The following DNHD1 variants were observed in gnomAD, a reference collection of about 807,000 sequenced individuals.
DNHD1 encodes dynein heavy chain domain-containing protein 1.
In DNHD1, 383 loss-of-function variants were observed where a neutral mutation model predicts 458.1. The observed-to-expected ratio is 0.84, with a 90% CI of 0.77 to 0.91. The LOEUF (loss-of-function observed/expected upper bound fraction) is 0.91, where lower values mean the gene tolerates loss of function less well. Among genes scored for constraint, DNHD1 ranks in the 40% least tolerant of loss-of-function variants. The pLI is 0.00. For missense variants in DNHD1, 5,336 were observed against 5,866.1 expected (o/e 0.91, Z 2.95); for synonymous variants, 2,203 against 2,376.9 (o/e 0.93, Z 2.13).
intron 4 of DNHD1, among the ~76,000 whole-genome samples, chr11:6,504,520 G>A (rs1852192606): frequency 6.6e-6 from 1 of 152,170 alleles, no homozygotes; most frequent in Non-Finnish European, 1.5e-5. Flanking sequence ...CATGATCTCG[G>A]CTCACAGCAA....
In DNHD1 at chr11:6,571,218, G is replaced by A; in HGVS notation, c.13706G>A (p.Gly4569Asp). ...CTGTTGGTTCGTTACTTGGGCGTGGGCGCGGACGCGAGCAGTGATGTACCA... is the reference window on the plus strand; with the variant it reads ...CTGTTGGTTCGTTACTTGGGCGTGGACGCGGACGCGAGCAGTGATGTACCA... ...GQLLVRYLGV[G>D]ADASSDVPER... Residue 4569 changes from glycine to aspartate, a missense_variant, in exon 42 of 43, where the codon GGC becomes GAC. This residue lies in a region of DNHD1 where 698 missense variants were observed against 664.9 expected (regional missense o/e 1.05). Transcript: ENST00000254579. This position sits in a 1 kb window ranked among gnomAD's most constrained non-coding sequence, Gnocchi z 5.0. 1.2e-6 allele frequency: 2 copies of A among 1,610,150 alleles called. No individual in the cohort carries two copies. The highest frequency in any genetic ancestry group is 1.1e-5 in the South Asian group (1 of 90,900).
At chr11:6,515,749 C>G (rs1196171439) in intron 7 of DNHD1, among the ~76,000 whole-genome samples, 1 of 149,242 alleles carries the variant, frequency 6.7e-6, no homozygotes, top group African/African-American at 2.5e-5. Flanking sequence ...CAAGCTCATT[C>G]ACTGTTTTAT....
chr11:6,563,308 T>C, intron 29 of DNHD1, 74 bp from the exon 30 acceptor site: 1 of 1,518,790 alleles, frequency 6.6e-7, no homozygotes, highest in Non-Finnish European at 8.9e-7. Flanking sequence ...AGGAGATGAT[T>C]CCCCTAAAAA....
At chr11:6,524,674 T>C (rs10769695) in intron 10 of DNHD1, among the ~76,000 whole-genome samples, 148,653 of 152,308 alleles carry the variant, frequency 0.98, 72,640 homozygotes, top group Middle Eastern at 1. Flanking sequence ...TAGGCAAGGG[T>C]AGATCCTCTT....
intron 12 of DNHD1, among the ~76,000 whole-genome samples, chr11:6,532,134 C>G (rs1852838828): frequency 6.6e-6 from 1 of 152,190 alleles, no homozygotes; most frequent in Non-Finnish European, 1.5e-5. Flanking sequence ...ACTCTATACT[C>G]TATTTGGTGT....
chr11:6,545,636 G>A lies in DNHD1; in HGVS notation c.4697G>A (p.Arg1566His), dbSNP rs552920876. Reference protein sequence around the residue: ...SQGGQSLPSVRQTSLLSALLV... With the variant: ...SQGGQSLPSVHQTSLLSALLV... ...GGTGGGCAGTCCCTGCCTTCTGTCC[G>A]CCAGACCAGCCTTCTCAGTGCCCTG... The change falls in exon 21 of 43, where the codon CGC becomes CAC. Residue 1566 changes from arginine (R) to histidine (H), a missense_variant. Around this residue, in one of 4 missense-constraint regions of DNHD1, gnomAD observed 3,932 missense variants for 4,365.6 expected, o/e 0.90. Transcript: ENST00000254579. The surrounding 1 kb of genome is among the most constrained non-coding windows in gnomAD (Gnocchi z 4.9). 5.8e-6 allele frequency: 9 copies of A among 1,551,776 alleles called. No homozygotes were observed. The highest frequency in any genetic ancestry group is 5.5e-5 in the African/African-American group (4 of 73,164).
intron 19 of DNHD1, 72 bp downstream of exon 19, chr11:6,544,318 AGGT>A: frequency 4.6e-6 from 7 of 1,524,690 alleles, no homozygotes; most frequent in Non-Finnish European, 6.2e-6. Flanking sequence ...TGGGGGTGAG[AGGT>A]GGAGGTTGGG....
At chr11:6,518,397 C>A (rs1403672139) in intron 7 of DNHD1, among the ~76,000 whole-genome samples, 1 of 152,106 alleles carries the variant, frequency 6.6e-6, no homozygotes, top group Non-Finnish European at 1.5e-5. Flanking sequence ...CTGTTATCAC[C>A]CCTAGTATTG....
Position 6,544,205 on chromosome 11 carries a change from A to G in DNHD1, c.3713A>G (p.Asn1238Ser). 2 of 1,551,608 alleles carry G rather than the reference A, an allele frequency of 1.3e-6. No homozygotes were observed. The highest frequency in any genetic ancestry group is 1.7e-6 in the Non-Finnish European group (2 of 1,146,954). ...ILAIEKSGDLNKIALEWVAIM... is the reference protein window; with the variant it reads ...ILAIEKSGDLSKIALEWVAIM... ...GCCATCGAAAAGTCAGGAGATTTAA[A>G]CAAAATAGCTTTGGAGTGGGTGGCC... The change falls in exon 19 of 43, where the codon AAC (asparagine) becomes AGC (serine). Residue 1238 changes from asparagine (N) to serine (S), a missense_variant. Transcript: ENST00000254579.
At chr11:6,513,381 G>A (rs182585076) in intron 7 of DNHD1, among the ~76,000 whole-genome samples, 5 of 152,210 alleles carry the variant, frequency 3.3e-5, no homozygotes, top group East Asian at 1.9e-4. Context: ...TGATACCCCC[G>A]CAGAGGTAAC....
At position 6,535,489 on chromosome 11, in the gene DNHD1, C is replaced by G. The variant is rs542253641; in HGVS notation, c.2998+1316C>G. ...TGTGGCAGGGTAGGTACAAGATGAA[C>G]CTAAAGTGTCATTTTATACCAGAAA... On this transcript the variant is annotated intron_variant, in intron 14 of 42. Transcript: ENST00000254579. Among the ~76,000 whole-genome samples the G allele has an allele frequency of 4.6e-5, 7 of 152,026 alleles. No homozygotes were observed. The East Asian group carries it at 1.4e-3, about 29-fold the overall frequency.
chr11:6,546,855 G>C lies in DNHD1; in HGVS notation c.5916G>C (p.Leu1972Phe), dbSNP rs546822040. ...QVGLDPSPDI[L>F]GSLEQLSQAL... ...GTCTGGATCCCAGCCCTGACATTTT[G>C]GGGTCCTTGGAACAGTTGAGCCAGG... The change falls in exon 21 of 43, where the codon TTG (leucine) becomes TTC (phenylalanine). Residue 1972 changes from leucine (L) to phenylalanine (F), a missense_variant. By Grantham distance (22) the Leu-to-Phe change is conservative. Around this residue, in one of 4 missense-constraint regions of DNHD1, gnomAD observed 3,932 missense variants for 4,365.6 expected, o/e 0.90. Coordinates refer to ENST00000254579, the MANE Select transcript of DNHD1 (RefSeq NM_144666.3). 6.4e-7 allele frequency: 1 copy of C among 1,551,756 alleles called. No homozygotes were observed. Among genetic ancestry groups the C allele is most frequent in the African/African-American group, 1.4e-5 (1 of 73,186 alleles).
chr11:6,557,743 C>A lies in DNHD1; in HGVS notation c.8448C>A (p.Pro2816=). Residue 2816 remains proline (P), a synonymous_variant, in exon 25 of 43, where the codon CCC becomes CCA. Transcript: ENST00000254579. ...TACTACTACATCCCCAGGAAAAGCC[C>A]TCAGACCTGGTCTTCAGTCAGGAGC... ...PVLLLHPQEK[P]SDLVFSQELI... The A allele has an allele frequency of 6.4e-7, 1 of 1,551,722 alleles. No individual in the cohort carries two copies. The highest frequency in any genetic ancestry group is 8.7e-7 in the Non-Finnish European group (1 of 1,146,996).
At chr11:6,510,037 T>C (rs1852304823) in intron 6 of DNHD1, among the ~76,000 whole-genome samples, 1 of 152,228 alleles carries the variant, frequency 6.6e-6, no homozygotes, top group Non-Finnish European at 1.5e-5. Flanking sequence ...CATTTTGTTA[T>C]GAAATTTCTC....
chr11:6,508,941 C>G lies in DNHD1; in HGVS notation c.982C>G (p.Pro328Ala). 6.2e-7 allele frequency: 1 copy of G among 1,614,174 alleles called. No homozygotes were observed. Among genetic ancestry groups the G allele is most frequent in the Non-Finnish European group, 8.5e-7 (1 of 1,180,030 alleles). Residue 328 changes from proline (P) to alanine (A), a missense_variant, in exon 5 of 43, where the codon CCC (proline) becomes GCC (alanine). Pro to Ala is a conservative substitution (Grantham distance 27). This residue lies in a region of DNHD1 where 3,932 missense variants were observed against 4,365.6 expected (regional missense o/e 0.90). Coordinates refer to ENST00000254579, the MANE Select transcript of DNHD1 (RefSeq NM_144666.3). The stretch of plus-strand genomic sequence containing the variant: ...GAATCCCGAGCACTACATCTTCTCT[C>G]CCTTTGGGATCTTGCATGTACATCC... ...KVNPEHYIFS[P>A]FGILHVHPVE...
rs1262966923 is a variant in DNHD1, at chr11:6,548,231, C to T, written c.6927C>T (p.Thr2309=). ...GCAGGTTCTGGCCCATCTTTGATAC[C>T]TTCATAAGGGATTCTATTAGTCGCC... ...LPSRFWPIFD[T]FIRDSISRLS... The change falls in exon 23 of 43, where the codon ACC becomes ACT. Residue 2309 remains threonine (T), a synonymous_variant. Coordinates refer to ENST00000254579, the MANE Select transcript of DNHD1 (RefSeq NM_144666.3). This position sits in a 1 kb window ranked among gnomAD's most constrained non-coding sequence, Gnocchi z 4.4. 1.2e-5 allele frequency: 18 copies of T among 1,551,534 alleles called. No individual in the cohort carries two copies. In the East Asian group the frequency reaches 3.7e-4, roughly 32 times the overall value.
At chr11:6,540,666 T>C (rs1426125757) in intron 18 of DNHD1, among the ~76,000 whole-genome samples, 1 of 152,242 alleles carries the variant, frequency 6.6e-6, no homozygotes, top group Non-Finnish European at 1.5e-5. Context: ...AAGTCTTCTT[T>C]AGGCAGAGGC....
chr11:6,522,579 A>G (rs1387838841), intron 10 of DNHD1, among the ~76,000 whole-genome samples: 2 of 152,194 alleles, frequency 1.3e-5, no homozygotes, highest in African/African-American at 2.4e-5. Flanking sequence ...GAGTTTACCT[A>G]TATAACAAAC....
At chr11:6,565,655 C>A (rs1213764506) in intron 32 of DNHD1, 40 bp from the exon 33 acceptor site, 4 of 1,497,252 alleles carry the variant, frequency 2.7e-6, no homozygotes, top group Admixed American at 2.4e-5. Flanking sequence ...GAGTCTGATT[C>A]CTCCCCTAAG....
Sources: gnomAD v4.1 joint callset for allele counts (sites outside exome capture counted in the v4.1 genomes callset) on GRCh38, gnomAD v4.1.1 for gene constraint, gnomAD v4.1.1 regional missense constraint, Gnocchi (gnomAD v3.1) non-coding constraint, MANE v1.5 for transcripts, NCBI Gene and HGNC (gene_info 2026-07-23, HGNC 2026-07-21) for gene names.